The following NID2 variants were observed in gnomAD, a reference collection of about 807,000 sequenced individuals.
NID2 encodes nidogen 2, also known as nidogen-2.
Under a neutral mutation model 145.4 loss-of-function variants are expected in NID2, and 83 were observed. That is an observed-to-expected ratio of 0.57 (90% CI 0.48 to 0.69). The LOEUF (loss-of-function observed/expected upper bound fraction) is 0.69, where lower values mean the gene tolerates loss of function less well. Ranked by LOEUF, NID2 falls within the 30% of genes least tolerant of loss-of-function variation. The pLI is 0.00. For synonymous variants in NID2, 739 were observed against 701.3 expected, an observed-to-expected ratio of 1.05 and a Z score of -0.85; for missense variants, 1,807 against 1,765.7, an observed-to-expected ratio of 1.02 and a Z score of -0.42.
At chr14:52,027,633 T>TACACACAC (rs59049676) in intron 11 of NID2, among the ~76,000 whole-genome samples, 5,444 of 144,170 alleles carry the variant, frequency 0.038, 252 homozygotes, top group East Asian at 0.2. Flanking sequence ...GAGCAATTGC[T>TACACACAC]ACACACACAC....
At chr14:52,026,319 G>C (rs1566752025) in intron 12 of NID2, among the ~76,000 whole-genome samples, 1 of 152,118 alleles carries the variant, frequency 6.6e-6, no homozygotes, top group African/African-American at 2.4e-5. Flanking sequence ...GGCGGATGGA[G>C]GCAGATGCAC....
chr14:52,057,706 A>C (rs1892899520), intron 3 of NID2, among the ~76,000 whole-genome samples: 2 of 6,818 alleles, frequency 2.9e-4, no homozygotes, highest in Admixed American at 3.3e-3. Flanking sequence ...TCCGTCTCAA[A>C]AAAAAAAAAA....
At chr14:52,011,456 C>T in intron 17 of NID2, 98 bp downstream of exon 17, 1 of 1,501,150 alleles carries the variant, frequency 6.7e-7, no homozygotes, top group Non-Finnish European at 9.1e-7. Context: ...ACTTAACCTC[C>T]CCTAATGGAG....
At chr14:52,014,535 T>A (rs992377788) in intron 15 of NID2, 79 bp from the exon 16 acceptor site, 11 of 1,390,946 alleles carry the variant, frequency 7.9e-6, no homozygotes, top group Non-Finnish European at 1.1e-5. Context: ...CTTTACCACA[T>A]ACCAGAGCCT....
chr14:52,055,611 C>T (rs530807336), intron 3 of NID2, among the ~76,000 whole-genome samples: 17 of 152,082 alleles, frequency 1.1e-4, no homozygotes, highest in Non-Finnish European at 2.4e-4. Flanking sequence ...CAATGGTATA[C>T]CCTAAAGAGA....
chr14:52,054,670 C>T (rs74948285), intron 3 of NID2, among the ~76,000 whole-genome samples: 2 of 152,192 alleles, frequency 1.3e-5, no homozygotes, highest in Non-Finnish European at 1.5e-5. Flanking sequence ...GTTGCAACCA[C>T]TGCACCCCAG....
chr14:52,034,260 C>T (rs980107907), intron 9 of NID2, among the ~76,000 whole-genome samples: 3 of 152,002 alleles, frequency 2.0e-5, no homozygotes, highest in African/African-American at 7.3e-5. Context: ...AGAGACACAT[C>T]TTTTTCCTAA....
chr14:52,054,563 C>G (rs569559558), intron 3 of NID2, among the ~76,000 whole-genome samples: 288 of 152,264 alleles, frequency 1.9e-3, no homozygotes, highest in Middle Eastern at 3.4e-3. Context: ...AAAAACTTAG[C>G]CAGGCATGGT....
intron 2 of NID2, among the ~76,000 whole-genome samples, chr14:52,061,156 CCAT>C: frequency 1.3e-5 from 2 of 152,318 alleles, no homozygotes; most frequent in East Asian, 3.9e-4. Flanking sequence ...CCCATTTGTA[CCAT>C]GTCCTTGGAT....
rs1892977247 is a variant in NID2 at position 52,060,201 on chromosome 14, C to T, written c.690G>A (p.Gly230=). 1 of 1,613,984 alleles carries T rather than the reference C, an allele frequency of 6.2e-7. No homozygotes were observed. ...QLPARVGFCR[G]EADDLKSEGP... is the part of the protein sequence containing the mutation. The stretch of plus-strand genomic sequence containing the variant: ...CTTCTGACTTCAGATCATCAGCCTC[C>T]CCTCGGCAGAAGCCCACCCGAGCTG... Residue 230 remains glycine, a synonymous_variant, in exon 3 of 22, where the codon GGG becomes GGA. Transcript: ENST00000216286.
chr14:52,053,816 C>A lies in NID2; in HGVS notation c.1192G>T (p.Glu398Ter), dbSNP rs1209746450. 13 of 1,614,060 alleles carry A rather than the reference C, an allele frequency of 8.1e-6. 1 individual carries two copies. In the Admixed American group the frequency reaches 2.0e-4, roughly 25 times the overall value. The change falls in exon 5 of 22, where the codon GAG becomes TAG. Residue 398 changes from glutamate (E) to a stop codon, truncating the protein, a stop_gained. Coordinates refer to ENST00000216286, the MANE Select transcript of NID2 (RefSeq NM_007361.4). LOFTEE classifies it high-confidence loss of function. ...GGAGCCAGTGAATCTCTGTCTACCT[C>A]TGGTGGAGCTGGGCTTCTGGTCTCT... is the stretch of plus-strand genomic sequence containing the variant. Reference protein sequence around the residue: ...ERETRSPAPPEVDRDSLAPSW... With the variant: ...ERETRSPAPP
intron 12 of NID2, among the ~76,000 whole-genome samples, chr14:52,026,164 G>C (rs553020244): frequency 4.4e-4 from 67 of 152,338 alleles, no homozygotes; most frequent in South Asian, 2.9e-3. Context: ...AGCCCATCCT[G>C]CTGAAACCAA....
intron 9 of NID2, 56 bp from the exon 10 acceptor site, chr14:52,029,746 A>C: frequency 2.2e-5 from 33 of 1,515,042 alleles, no homozygotes; most frequent in Non-Finnish European, 2.4e-5. Context: ...AGCAAATGTC[A>C]CGGAGATAGA....
chr14:52,053,047 A>G (rs1402637579), intron 5 of NID2, among the ~76,000 whole-genome samples: 2 of 152,190 alleles, frequency 1.3e-5, no homozygotes, highest in Non-Finnish European at 2.9e-5. Flanking sequence ...GACAACAGAC[A>G]CAGGTGTTTA....
chr14:52,010,018 TTCCAAATG>T (rs1207839780), intron 18 of NID2: 3 of 152,002 alleles, frequency 2.0e-5, no homozygotes, highest in Non-Finnish European at 2.9e-5. Context: ...AAAAAGGACC[TTCCAAATG>T]TCCAAATGTC....
At position 52,054,170 on chromosome 14, in the gene NID2, C is replaced by T. The variant is rs1005521920; in HGVS notation, c.919G>A (p.Glu307Lys). 1.9e-6 allele frequency: 3 copies of T among 1,614,132 alleles called. No individual in the cohort carries two copies. Among genetic ancestry groups the T allele is most frequent in the Admixed American group, 3.3e-5 (2 of 60,012 alleles). ...GRSFSHATAL[E>K]SDYNEDNLDY... ...AAATTGTCCTCATTATAGTCACTTT[C>T]CAGGGCTGTAGCATGGCTGAAGGAA... Residue 307 changes from glutamate to lysine, a missense_variant, in exon 4 of 22, where the codon GAA (glutamate) becomes AAA (lysine). Glu to Lys is a moderately conservative substitution (Grantham distance 56). Transcript: ENST00000216286.
At position 52,029,604 on chromosome 14, in the gene NID2, C is replaced by T. The variant is rs773100261; in HGVS notation, c.2344G>A (p.Val782Ile). 2 of 1,614,138 alleles carry T rather than the reference C, an allele frequency of 1.2e-6. No individual in the cohort carries two copies. The highest frequency in any genetic ancestry group is 1.1e-5 in the South Asian group (1 of 91,064). The change falls in exon 10 of 22, where the codon GTA becomes ATA. Residue 782 changes from valine to isoleucine, a missense_variant. Transcript: ENST00000216286. ...TTARCHPGTG[V>I]DYTCECASGY... ...GATGCGCACTCACAGGTGTAATCTA[C>T]ACCTGTCCCTGGATGGCACCGTGCT... is the stretch of plus-strand genomic sequence containing the variant.
intron 2 of NID2, among the ~76,000 whole-genome samples, chr14:52,064,733 G>A (rs1046026818): frequency 6.6e-6 from 1 of 152,246 alleles, no homozygotes; most frequent in Admixed American, 6.5e-5. Flanking sequence ...TTGCTAATAG[G>A]TTGCTCTCTC....
chr14:52,021,371 AC>A, intron 12 of NID2, among the ~76,000 whole-genome samples: 1 of 152,312 alleles, frequency 6.6e-6, no homozygotes, highest in Admixed American at 6.5e-5. Flanking sequence ...TGGGTTGGGA[AC>A]AGGGCTAGCT....
Sources: gnomAD v4.1 joint callset for allele counts (sites outside exome capture counted in the v4.1 genomes callset) on GRCh38, gnomAD v4.1.1 for gene constraint, MANE v1.5 for transcripts, NCBI Gene and HGNC (gene_info 2026-07-23, HGNC 2026-07-21) for gene names.